Variants in LRRN1 observed in about 807,000 individuals in gnomAD.
LRRN1 encodes leucine rich repeat neuronal 1.
A neutral mutation model predicts 45.8 loss-of-function variants in LRRN1; 14 were observed. The observed-to-expected ratio is 0.31, with a 90% CI of 0.20 to 0.48. The LOEUF (loss-of-function observed/expected upper bound fraction) is 0.48. Among genes scored for constraint, LRRN1 ranks in the 20% least tolerant of loss-of-function variants. The pLI is 0.99. For synonymous variants in LRRN1, 359 were observed against 330.1 expected (o/e 1.09, Z -0.95); for missense variants, 789 against 874.2 (o/e 0.90, Z 1.23).
At chr3:3,819,419 G>A (rs1693056260) in intron 1 of LRRN1, among the ~76,000 whole-genome samples, 2 of 152,194 alleles carry the variant, frequency 1.3e-5, no homozygotes, top group Admixed American at 6.5e-5. Flanking sequence ...AGTCCAAGAT[G>A]AAAGCATCAA....
At chr3:3,834,163 C>T (rs1051185789) in intron 1 of LRRN1, among the ~76,000 whole-genome samples, 17 of 152,034 alleles carry the variant, frequency 1.1e-4, no homozygotes, top group African/African-American at 4.1e-4. Flanking sequence ...TTTCTTTCAT[C>T]ACTTTGTCCA....
chr3:3,842,495 A>C (rs75735247), intron 1 of LRRN1, among the ~76,000 whole-genome samples: 1,974 of 151,962 alleles, frequency 0.013, 40 homozygotes, highest in African/African-American at 0.044. Flanking sequence ...TGAAAATATG[A>C]CTCATTAAAT....
At chr3:3,803,614 G>T (rs2106449003) in intron 1 of LRRN1, among the ~76,000 whole-genome samples, 1 of 152,168 alleles carries the variant, frequency 6.6e-6, no homozygotes, top group African/African-American at 2.4e-5. Context: ...ATATGTTTCT[G>T]GGAACAATGA....
chr3:3,803,131 T>C (rs1456425251), intron 1 of LRRN1, among the ~76,000 whole-genome samples: 1 of 152,306 alleles, frequency 6.6e-6, no homozygotes, highest in East Asian at 1.9e-4. Context: ...ACTCAACCAT[T>C]GATCTCTCTC....
At chr3:3,831,340 G>A (rs1693369590) in intron 1 of LRRN1, among the ~76,000 whole-genome samples, 1 of 152,174 alleles carries the variant, frequency 6.6e-6, no homozygotes. Flanking sequence ...TTTTACTGAG[G>A]GGGAAGATTC....
chr3:3,808,260 A>T (rs1480607891), intron 1 of LRRN1, among the ~76,000 whole-genome samples: 1 of 152,160 alleles, frequency 6.6e-6, no homozygotes, highest in African/African-American at 2.4e-5. Flanking sequence ...TAGAATAATG[A>T]TACTCTACAC....
At chr3:3,801,222 C>T (rs959642340) in intron 1 of LRRN1, 1 of 152,234 alleles carries the variant, frequency 6.6e-6, no homozygotes, top group Non-Finnish European at 1.5e-5. Flanking sequence ...CAGGCAAAGG[C>T]TAAGAGTCTA....
intron 1 of LRRN1, chr3:3,827,430 C>G (rs1202675164): frequency 2.2e-6 from 1 of 456,572 alleles, no homozygotes; most frequent in Non-Finnish European, 4.4e-6. Flanking sequence ...TCAGTCCACA[C>G]AGTGGAGTCT....
chr3:3,817,695 T>G (rs77166058), intron 1 of LRRN1, among the ~76,000 whole-genome samples: 45 of 151,972 alleles, frequency 3.0e-4, no homozygotes, highest in Non-Finnish European at 4.3e-4. Flanking sequence ...GATGTTAGTT[T>G]TTTTTTTTTT....
chr3:3,822,595 C>G lies in LRRN1; in HGVS notation c.-278-21769C>G, dbSNP rs550973760. The G allele has an allele frequency of 2.0e-5, 3 of 152,274 alleles. No homozygotes were observed. In the East Asian group the frequency reaches 5.8e-4, roughly 29 times the overall value. The allele number at this position is 152,274 out of a possible 1,614,324, so 9.4% of individuals were successfully genotyped here. ...GGAAATGCTTCAGGTGTCATTCAAC[C>G]TATCTTGGTGTAGAGAGATCACAAA... is the stretch of plus-strand genomic sequence containing the variant. On this transcript the variant is annotated intron_variant, in intron 1 of 1. Transcript: ENST00000319331.
In LRRN1 at chr3:3,820,085, G is replaced by C. The variant is rs1312850397; in HGVS notation, c.-279+20166G>C. On this transcript the variant is annotated intron_variant, in intron 1 of 1. Transcript: ENST00000319331. ...TGTTGTTGTTGTTGGAAAATCTAGA[G>C]ATAATTTCCTGAGTTCTCAAAAACC... Among the ~76,000 whole-genome samples, 5 of 152,218 alleles carry C rather than the reference G, an allele frequency of 3.3e-5. No individual in the cohort carries two copies. The South Asian group carries it at 1.0e-3, about 32-fold the overall frequency.
chr3:3,838,193 C>G (rs570937656), intron 1 of LRRN1, among the ~76,000 whole-genome samples: 7 of 152,182 alleles, frequency 4.6e-5, no homozygotes, highest in African/African-American at 1.4e-4. Flanking sequence ...GAACTGACTA[C>G]TCATATGCAG....
intron 1 of LRRN1, among the ~76,000 whole-genome samples, chr3:3,801,569 G>A (rs138405329): frequency 6.6e-6 from 1 of 152,304 alleles, no homozygotes; most frequent in Non-Finnish European, 1.5e-5. Flanking sequence ...GATCCTGGCA[G>A]ATGTCTGGCC....
intron 1 of LRRN1, among the ~76,000 whole-genome samples, chr3:3,835,045 TATC>T (rs1293038428): frequency 6.6e-6 from 1 of 152,166 alleles, no homozygotes; most frequent in Non-Finnish European, 1.5e-5. Flanking sequence ...ACTTTTTTGT[TATC>T]ATAATTTACA....
intron 1 of LRRN1, among the ~76,000 whole-genome samples, chr3:3,817,409 A>G (rs1377229495): frequency 1.3e-5 from 2 of 152,232 alleles, no homozygotes; most frequent in Non-Finnish European, 2.9e-5. Flanking sequence ...GTTGAGTTCT[A>G]TCAAGTCAAA....
At chr3:3,840,576 A>G (rs747653909) in intron 1 of LRRN1, among the ~76,000 whole-genome samples, 1 of 152,236 alleles carries the variant, frequency 6.6e-6, no homozygotes, top group Non-Finnish European at 1.5e-5. Context: ...TCAGAATTAA[A>G]TACAAATAGA....
At chr3:3,832,069 G>T (rs925751082) in intron 1 of LRRN1, among the ~76,000 whole-genome samples, 3 of 152,198 alleles carry the variant, frequency 2.0e-5, no homozygotes, top group Non-Finnish European at 4.4e-5. Context: ...TTGGAGTCAC[G>T]ACTTAGTTAA....
At chr3:3,803,915 T>C (rs1260544818) in intron 1 of LRRN1, among the ~76,000 whole-genome samples, 1 of 152,210 alleles carries the variant, frequency 6.6e-6, no homozygotes, top group Non-Finnish European at 1.5e-5. Flanking sequence ...TTCTGAAACA[T>C]AGATAAATGC....
rs1693799571 is a variant in LRRN1 at position 3,847,298 on chromosome 3, T to C, written c.*506T>C. 1 of 167,274 alleles carries C rather than the reference T, an allele frequency of 6.0e-6. No homozygotes were observed. The highest frequency in any genetic ancestry group is 2.4e-5 in the African/African-American group (1 of 41,466). The allele number at this position is 167,274 out of a possible 1,614,324, so 10.4% of individuals were successfully genotyped here. Reference sequence around the variant, plus strand: ...CTAAGGCTAGACTTGTTACCTTCGTTGAATGATGTTAGTTGACTGTACTGT... The same window carrying C: ...CTAAGGCTAGACTTGTTACCTTCGTCGAATGATGTTAGTTGACTGTACTGT... On this transcript the variant is annotated 3_prime_UTR_variant, in exon 2 of 2. Transcript: ENST00000319331.
Sources: allele counts gnomAD v4.1 joint callset (sites outside exome capture counted in the v4.1 genomes callset), GRCh38; gene constraint gnomAD v4.1.1; transcripts MANE v1.5; gene names NCBI Gene and HGNC (gene_info 2026-07-23, HGNC 2026-07-21).